Variants in EML1 observed in about 807,000 individuals in gnomAD.
EML1 encodes the protein EMAP like 1.
A neutral mutation model predicts 110.4 loss-of-function variants in EML1; 27 were observed. The observed-to-expected ratio is 0.24, with a 90% confidence interval of 0.18 to 0.34. The LOEUF is 0.34. Among genes scored for constraint, EML1 ranks in the 10% least tolerant of loss-of-function variants. EML1 has a pLI of 1.00. For missense variants in EML1, 741 were observed against 1,030.9 expected, an observed-to-expected ratio of 0.72 and a Z score of 3.85; for synonymous variants, 344 against 385.8, an observed-to-expected ratio of 0.89 and a Z score of 1.27.
intron 1 of EML1, among the ~76,000 whole-genome samples, chr14:99,764,876 T>C (rs989376391): frequency 1.3e-5 from 2 of 152,234 alleles, no homozygotes; most frequent in African/African-American, 2.4e-5. Flanking sequence ...TTGTTTTTTT[T>C]ACTATAGCAA....
chr14:99,817,657 T>C (rs1233635520), intron 1 of EML1, among the ~76,000 whole-genome samples: 1 of 152,202 alleles, frequency 6.6e-6, no homozygotes, highest in Non-Finnish European at 1.5e-5. Flanking sequence ...ACTGCTGCTG[T>C]TGAGTATTGG....
chr14:99,881,888 C>T (rs1019108011), intron 4 of EML1, among the ~76,000 whole-genome samples: 2 of 152,146 alleles, frequency 1.3e-5, no homozygotes, highest in African/African-American at 4.8e-5. Context: ...CGTGAGCCAC[C>T]GCACCTGGCC....
chr14:99,775,439 G>A (rs1268543444), intron 1 of EML1, among the ~76,000 whole-genome samples: 1 of 152,246 alleles, frequency 6.6e-6, no homozygotes, highest in Non-Finnish European at 1.5e-5. Flanking sequence ...ATGTGGAGCA[G>A]TGGGAAGGGA....
intron 10 of EML1, among the ~76,000 whole-genome samples, chr14:99,908,326 A>G (rs1158492054): frequency 6.6e-6 from 1 of 152,178 alleles, no homozygotes; most frequent in African/African-American, 2.4e-5. Context: ...CCTTGCCTTG[A>G]CTGACCTTTT....
At chr14:99,899,243 G>T (rs542030579) in intron 8 of EML1, among the ~76,000 whole-genome samples, 23 of 151,974 alleles carry the variant, frequency 1.5e-4, no homozygotes, top group African/African-American at 4.8e-4. Flanking sequence ...CAGAAAAAAT[G>T]AATACTACCA....
intron 1 of EML1, among the ~76,000 whole-genome samples, chr14:99,797,230 C>CT (rs1206284747): frequency 6.6e-6 from 1 of 152,174 alleles, no homozygotes; most frequent in African/African-American, 2.4e-5. Context: ...GCTTCTTTCA[C>CT]TTAGCATATG....
At position 99,781,163 on chromosome 14, in the gene EML1, G is replaced by A. The variant is rs545845292; in HGVS notation, c.-27+7150G>A. Among the ~76,000 whole-genome samples the A allele has an allele frequency of 3.2e-4, 48 of 151,912 alleles. 2 individuals are homozygous for A. The South Asian group carries it at 7.9e-3, about 25-fold the overall frequency. On this transcript the variant is annotated intron_variant, in intron 1 of 22. Transcript: ENST00000327921. The surrounding 1 kb of genome is among the most constrained non-coding windows in gnomAD (Gnocchi z 4.2). ...TGGCCGCCTCCCTTCTCCTTGACTC[G>A]TCCCCAGCTTCTAATTCTTTCCTCT...
At chr14:99,811,497 A>C (rs1257291318) in intron 1 of EML1, among the ~76,000 whole-genome samples, 1 of 151,788 alleles carries the variant, frequency 6.6e-6, no homozygotes, top group Non-Finnish European at 1.5e-5. Flanking sequence ...AGCTAGGGAA[A>C]GGAAAATGTT....
upstream of EML1, among the ~76,000 whole-genome samples, chr14:99,770,076 T>TC (rs1202534607): frequency 3.9e-5 from 6 of 151,980 alleles, no homozygotes; most frequent in Non-Finnish European, 7.4e-5. Flanking sequence ...TTTGTACCAT[T>TC]CCCCCCCATT....
In EML1 at chr14:99,827,495, A is replaced by G. The variant is rs1422564541; in HGVS notation, c.68-23358A>G. Among the ~76,000 whole-genome samples the G allele has an allele frequency of 6.6e-6, 1 of 152,136 alleles. No homozygotes were observed. Among genetic ancestry groups the G allele is most frequent in the African/African-American group, 2.4e-5 (1 of 41,412 alleles). The stretch of plus-strand genomic sequence containing the variant: ...CCTCTGTTATGGGCTTACTTGTGTT[A>G]CCCCAAATTCATGTGTTGAATCTCT... On this transcript the variant is annotated intron_variant, in intron 1 of 21. Coordinates refer to ENST00000262233, the MANE Select transcript of EML1 (RefSeq NM_004434.3). The surrounding 1 kb of genome is among the most constrained non-coding windows in gnomAD (Gnocchi z 4.4).
chr14:99,879,426 G>A (rs1383442205), intron 4 of EML1, among the ~76,000 whole-genome samples: 1 of 152,164 alleles, frequency 6.6e-6, no homozygotes, highest in Non-Finnish European at 1.5e-5. Context: ...CAGCTTCAGA[G>A]GCTAAGCATG....
intron 19 of EML1, 62 bp from the exon 20 acceptor site, chr14:99,937,755 C>A: frequency 6.7e-7 from 1 of 1,492,532 alleles, no homozygotes; most frequent in Non-Finnish European, 9.3e-7. Flanking sequence ...GGGGGCTCAG[C>A]CTTGCTTAGG....
At chr14:99,919,454 A>ACACACACACACACT (rs2060094015) in intron 16 of EML1, among the ~76,000 whole-genome samples, 1 of 149,448 alleles carries the variant, frequency 6.7e-6, no homozygotes, top group Non-Finnish European at 1.5e-5. Flanking sequence ...ACACACACAC[A>ACACACACACACACT]CACACACACT....
chr14:99,908,705 C>T (rs539092063), intron 10 of EML1, among the ~76,000 whole-genome samples: 163 of 152,192 alleles, frequency 1.1e-3, no homozygotes, highest in Non-Finnish European at 2.1e-3. Context: ...CTGAAGGTGG[C>T]GGAGGTGGCA....
intron 17 of EML1, among the ~76,000 whole-genome samples, chr14:99,923,382 A>G (rs997060548): frequency 2.6e-5 from 4 of 152,194 alleles, no homozygotes; most frequent in African/African-American, 9.7e-5. Context: ...GCTTTCTTTT[A>G]GAAGAGTTGT....
intron 1 of EML1, among the ~76,000 whole-genome samples, chr14:99,821,270 G>A (rs903099531): frequency 1.3e-5 from 2 of 152,126 alleles, no homozygotes; most frequent in Admixed American, 6.5e-5. Flanking sequence ...ACATCTCAAA[G>A]TGTTGCGATT....
intron 3 of EML1, among the ~76,000 whole-genome samples, chr14:99,868,648 C>T (rs990161954): frequency 3.3e-5 from 5 of 151,844 alleles, no homozygotes; most frequent in Non-Finnish European, 5.9e-5. Flanking sequence ...TTGTTATATC[C>T]GTTGTAATGT....
intron 10 of EML1, 102 bp downstream of exon 10, chr14:99,907,835 C>A: frequency 9.4e-7 from 1 of 1,063,778 alleles, no homozygotes; most frequent in Non-Finnish European, 1.4e-6. Flanking sequence ...CCCACCCCAG[C>A]CCTTGTGTAT....
intron 17 of EML1, among the ~76,000 whole-genome samples, chr14:99,922,436 C>G (rs1455900004): frequency 3.9e-5 from 6 of 152,070 alleles, no homozygotes; most frequent in Non-Finnish European, 8.8e-5. Context: ...TAGATTGTTT[C>G]TGGTTTTTTA....
Sources: allele counts gnomAD v4.1 joint callset (sites outside exome capture counted in the v4.1 genomes callset), GRCh38; gene constraint gnomAD v4.1.1; non-coding constraint Gnocchi (gnomAD v3.1); transcripts MANE v1.5; gene names NCBI Gene and HGNC (gene_info 2026-07-23, HGNC 2026-07-21).